TMEM9B: variants seen among roughly 807,000 people sequenced by gnomAD.
TMEM9B encodes TMEM9 domain family member B.
Under a neutral mutation model 23.5 loss-of-function variants are expected in TMEM9B, and 8 were observed. The ratio of observed to expected loss-of-function variants is 0.34; its 90% confidence interval spans 0.20 to 0.61. The LOEUF (loss-of-function observed/expected upper bound fraction) is 0.61, where lower values mean the gene tolerates loss of function less well. TMEM9B is among the 20% of genes least tolerant of loss of function. The pLI is 0.78. For synonymous variants in TMEM9B, 106 were observed against 96.3 expected, an observed-to-expected ratio of 1.10 and a Z score of -0.59; for missense variants, 197 against 252.3, an observed-to-expected ratio of 0.78 and a Z score of 1.49.
chr11:8,951,349 G>C (rs952585097), intron 4 of TMEM9B, among the ~76,000 whole-genome samples: 4 of 152,100 alleles, frequency 2.6e-5, no homozygotes, highest in African/African-American at 9.7e-5. Flanking sequence ...CTTTTGAATT[G>C]AACCTTAAAA....
intron 4 of TMEM9B, chr11:8,952,561 C>T (rs2134864918): frequency 6.5e-6 from 1 of 154,900 alleles, no homozygotes; most frequent in African/African-American, 2.4e-5. Flanking sequence ...CAGGCATGCA[C>T]CACCACACCC....
chr11:8,964,102 G>T (rs1589950264), intron 1 of TMEM9B, 107 bp downstream of exon 1: 1 of 1,131,740 alleles, frequency 8.8e-7, no homozygotes, highest in Non-Finnish European at 1.2e-6. Context: ...GAGGCCAGGC[G>T]TATGGCTGTC....
Position 8,948,562 on chromosome 11 carries a change from T to C in TMEM9B, c.442-87A>G, listed in dbSNP as rs932120116. 4 of 1,468,376 alleles carry C rather than the reference T, an allele frequency of 2.7e-6. No homozygotes were observed. The African/African-American group carries it at 4.2e-5, about 15-fold the overall frequency. The allele number at this position is 1,468,376 out of a possible 1,614,324, so 91.0% of individuals were successfully genotyped here. ...AACAGTGACCAGCCCGCCACAGAAA[T>C]AGGGGTAGGTGGACTTTTCAAACAA... On this transcript the variant is annotated intron_variant, in intron 4 of 4. Transcript: ENST00000534025.
At chr11:8,958,837 C>T (rs1475811207) in intron 2 of TMEM9B, among the ~76,000 whole-genome samples, 1 of 152,148 alleles carries the variant, frequency 6.6e-6, no homozygotes, top group Non-Finnish European at 1.5e-5. Context: ...TCCCAAAGTG[C>T]TGGCATTACA....
intron 4 of TMEM9B, among the ~76,000 whole-genome samples, chr11:8,948,711 T>C (rs72852776): frequency 0.032 from 4,839 of 152,294 alleles, 112 homozygotes; most frequent in Non-Finnish European, 0.052. Flanking sequence ...AACGTTCCCA[T>C]GGATTGCCAT....
intron 4 of TMEM9B, among the ~76,000 whole-genome samples, chr11:8,952,191 C>T (rs1047031950): frequency 2.0e-5 from 3 of 150,534 alleles, no homozygotes; most frequent in African/African-American, 4.9e-5. Context: ...TTTGAATAAA[C>T]GAATATTAAA....
At position 8,948,252 on chromosome 11, in the gene TMEM9B, C is replaced by A. The variant is rs1853808768; in HGVS notation, c.*68G>T. 2 of 1,532,326 alleles carry A rather than the reference C, an allele frequency of 1.3e-6. No homozygotes were observed. The highest frequency in any genetic ancestry group is 1.3e-5 in the South Asian group (1 of 78,674). 94.9% of individuals were successfully genotyped at this position (1,532,326 alleles called of 1,614,324 possible). ...AACAAGGTATTAAAATGAAACCCAG[C>A]AAAACCCAGTCAGTTCTTTCCAGTT... On this transcript the variant is annotated 3_prime_UTR_variant, in exon 5 of 5. Transcript: ENST00000534025.
intron 4 of TMEM9B, chr11:8,952,860 C>G (rs1428392717): frequency 6.1e-6 from 3 of 491,792 alleles, no homozygotes; most frequent in Non-Finnish European, 1.1e-5. Context: ...GTGATATTGA[C>G]AGAGAAGGTG....
chr11:8,964,472 G>C (rs7940895), upstream of TMEM9B: 116,239 of 1,422,168 alleles, frequency 0.082, 6,115 homozygotes, highest in South Asian at 0.22. Flanking sequence ...GGCGCGCCGG[G>C]TCAGATGCAA....
Position 8,950,759 on chromosome 11 carries a change from T to C in TMEM9B, c.442-2284A>G, listed in dbSNP as rs1726835419. Reference sequence around the variant, plus strand: ...TCATGGATATATGATATAGTAAATATTGTGACTACTTGCAGTGAGCTTAAC... The same window carrying C: ...TCATGGATATATGATATAGTAAATACTGTGACTACTTGCAGTGAGCTTAAC... On this transcript the variant is annotated intron_variant, in intron 4 of 4. Transcript: ENST00000534025. 2.0e-5 allele frequency among the ~76,000 whole-genome samples: 3 copies of C among 152,204 alleles called. No individual in the cohort carries two copies. The South Asian group carries it at 6.2e-4, about 31-fold the overall frequency.
At chr11:8,952,169 T>C (rs929956242) in intron 4 of TMEM9B, among the ~76,000 whole-genome samples, 24 of 152,020 alleles carry the variant, frequency 1.6e-4, no homozygotes, top group African/African-American at 5.6e-4. Flanking sequence ...ACTAAGTCAA[T>C]TTCTGGACAT....
At position 8,964,394 on chromosome 11, in the gene TMEM9B, G is replaced by C. The variant is rs928343476; in HGVS notation, c.-81C>G. On this transcript the variant is annotated 5_prime_UTR_variant, in exon 1 of 5. Transcript: ENST00000534025. ...GGGCTCAGGCTCAGGCTCAGGCTCA[G>C]GCACAGGCTTGGGACCCGGCTGGGG... 1.4e-5 allele frequency: 21 copies of C among 1,514,216 alleles called. No individual in the cohort carries two copies. In the African/African-American group the frequency reaches 3.0e-4, roughly 21 times the overall value. The allele number at this position is 1,514,216 out of a possible 1,614,324, so 93.8% of individuals were successfully genotyped here. A position where few individuals can be genotyped will look rare whatever the true frequency, so the allele number is the denominator to read the frequency against.
Position 8,948,574 on chromosome 11 carries a change from G to A in TMEM9B, c.442-99C>T. The A allele has an allele frequency of 2.2e-6, 3 of 1,386,570 alleles. No homozygotes were observed. The South Asian group carries it at 4.2e-5, about 19-fold the overall frequency. The allele number at this position is 1,386,570 out of a possible 1,614,324, so 85.9% of individuals were successfully genotyped here. A position where few individuals can be genotyped will look rare whatever the true frequency, so the allele number is the denominator to read the frequency against. Reference sequence around the variant, plus strand: ...CCCGCCACAGAAATAGGGGTAGGTGGACTTTTCAAACAACAGAGCATCTAT... The same window carrying A: ...CCCGCCACAGAAATAGGGGTAGGTGAACTTTTCAAACAACAGAGCATCTAT... On this transcript the variant is annotated intron_variant, in intron 4 of 4. Coordinates refer to ENST00000534025, the MANE Select transcript of TMEM9B (RefSeq NM_020644.3).
At chr11:8,958,333 A>G (rs1324361390) in intron 2 of TMEM9B, among the ~76,000 whole-genome samples, 1 of 150,304 alleles carries the variant, frequency 6.7e-6, no homozygotes, top group African/African-American at 2.5e-5. Flanking sequence ...ATGGTGGCAC[A>G]TGCCTGTAAT....
chr11:8,955,566 C>A (rs1049169446), intron 3 of TMEM9B, among the ~76,000 whole-genome samples: 1 of 152,176 alleles, frequency 6.6e-6, no homozygotes, highest in Non-Finnish European at 1.5e-5. Flanking sequence ...GAGCATGCAG[C>A]CTAGATCCCT....
intron 2 of TMEM9B, among the ~76,000 whole-genome samples, chr11:8,956,996 A>C (rs1238640667): frequency 1.3e-5 from 2 of 152,216 alleles, no homozygotes; most frequent in Non-Finnish European, 2.9e-5. Context: ...CCGGGATTAC[A>C]GGTGTGAGCC....
intron 2 of TMEM9B, among the ~76,000 whole-genome samples, chr11:8,959,127 A>G (rs2134873760): frequency 6.6e-6 from 1 of 152,362 alleles, no homozygotes; most frequent in South Asian, 2.1e-4. Context: ...GGCTTAGAGA[A>G]GGTCACAGAG....
intron 4 of TMEM9B, among the ~76,000 whole-genome samples, chr11:8,950,768 C>A (rs1481624259): frequency 6.6e-6 from 1 of 152,148 alleles, no homozygotes; most frequent in Non-Finnish European, 1.5e-5. Flanking sequence ...ATTGTGACTA[C>A]TTGCAGTGAG....
chr11:8,954,213 G>A (rs1853932937), intron 3 of TMEM9B, among the ~76,000 whole-genome samples: 1 of 152,170 alleles, frequency 6.6e-6, no homozygotes, highest in African/African-American at 2.4e-5. Flanking sequence ...ACAGAAAGTA[G>A]ACTAGTGACC....
Sources: gnomAD v4.1 joint callset for allele counts (sites outside exome capture counted in the v4.1 genomes callset) on GRCh38, gnomAD v4.1.1 for gene constraint, MANE v1.5 for transcripts, NCBI Gene and HGNC (gene_info 2026-07-23, HGNC 2026-07-21) for gene names.